The following CACNA2D3 variants were observed in gnomAD, a reference collection of about 807,000 sequenced individuals.
CACNA2D3 encodes calcium voltage-gated channel auxiliary subunit alpha2delta 3.
Under a neutral mutation model 160.6 loss-of-function variants are expected in CACNA2D3, and 60 were observed. That is an observed-to-expected ratio of 0.37 (90% CI 0.30 to 0.46). The LOEUF (loss-of-function observed/expected upper bound fraction) is 0.46. CACNA2D3 is among the 20% of genes least tolerant of loss of function. CACNA2D3 has a pLI of 1.00. For missense variants in CACNA2D3, 1,205 were observed against 1,365.0 expected (o/e 0.88, Z 1.85); for synonymous variants, 558 against 492.9 (o/e 1.13, Z -1.75).
At chr3:54,590,175 G>A (rs913723405) in intron 9 of CACNA2D3, among the ~76,000 whole-genome samples, 5 of 151,982 alleles carry the variant, frequency 3.3e-5, no homozygotes, top group Middle Eastern at 3.2e-3. Flanking sequence ...ATGACTGAAT[G>A]GTTAAACAAA....
At chr3:54,435,373 G>A (rs1326986716) in intron 4 of CACNA2D3, among the ~76,000 whole-genome samples, 4 of 152,256 alleles carry the variant, frequency 2.6e-5, no homozygotes, top group Admixed American at 6.5e-5. Context: ...CCTGAACTCA[G>A]CTCTAATGGG....
At chr3:54,643,573 T>C (rs985399474) in intron 11 of CACNA2D3, among the ~76,000 whole-genome samples, 23 of 152,102 alleles carry the variant, frequency 1.5e-4, no homozygotes, top group Admixed American at 5.2e-4. Context: ...AAACACTGAG[T>C]TCAGTCCAAC....
At chr3:54,309,374 T>G (rs895994338) in intron 2 of CACNA2D3, among the ~76,000 whole-genome samples, 3 of 152,266 alleles carry the variant, frequency 2.0e-5, no homozygotes, top group African/African-American at 7.2e-5. Context: ...CTACAATTTA[T>G]CAGAGGCATT....
At chr3:54,764,095 C>T in intron 12 of CACNA2D3, 123 bp from the exon 13 acceptor site, 4 of 1,044,644 alleles carry the variant, frequency 3.8e-6, no homozygotes, top group Non-Finnish European at 5.6e-6. Flanking sequence ...GGGAGAGGAG[C>T]TAACATTGAA....
intron 11 of CACNA2D3, among the ~76,000 whole-genome samples, chr3:54,743,685 T>C (rs1006183610): frequency 1.3e-5 from 2 of 152,244 alleles, no homozygotes; most frequent in African/African-American, 4.8e-5. Context: ...TGACTTTTTG[T>C]TCATGGTATT....
At chr3:54,740,800 A>G (rs1359106568) in intron 11 of CACNA2D3, among the ~76,000 whole-genome samples, 2 of 152,144 alleles carry the variant, frequency 1.3e-5, no homozygotes, top group African/African-American at 4.8e-5. Flanking sequence ...GAAAATAGAA[A>G]TGACAAGAAC....
intron 27 of CACNA2D3, among the ~76,000 whole-genome samples, chr3:54,965,054 A>G (rs1702118009): frequency 6.6e-6 from 1 of 152,188 alleles, no homozygotes; most frequent in South Asian, 2.1e-4. Flanking sequence ...AGATGTCAGA[A>G]TACTTTTTCT....
chr3:54,702,436 G>A (rs1700785079), intron 11 of CACNA2D3, among the ~76,000 whole-genome samples: 1 of 151,956 alleles, frequency 6.6e-6, no homozygotes, highest in Non-Finnish European at 1.5e-5. Context: ...ATGAACAGAG[G>A]ACATGAACAG....
intron 11 of CACNA2D3, among the ~76,000 whole-genome samples, chr3:54,662,211 G>A (rs183918195): frequency 1.4e-3 from 220 of 152,174 alleles, no homozygotes; most frequent in African/African-American, 5.1e-3. Flanking sequence ...ATGGATTGGC[G>A]AGGGTGCTGG....
At chr3:54,779,505 T>C (rs1358373274) in intron 13 of CACNA2D3, among the ~76,000 whole-genome samples, 4 of 152,184 alleles carry the variant, frequency 2.6e-5, no homozygotes, top group Middle Eastern at 3.2e-3. Flanking sequence ...CAGTTGTACT[T>C]GTAATGTGCT....
chr3:54,698,309 GT>G (rs1401791687), intron 11 of CACNA2D3, among the ~76,000 whole-genome samples: 2 of 152,188 alleles, frequency 1.3e-5, no homozygotes, highest in African/African-American at 4.8e-5. Context: ...CAGGGATGAT[GT>G]TGTTTATTTA....
intron 2 of CACNA2D3, among the ~76,000 whole-genome samples, chr3:54,291,097 A>G (rs988836986): frequency 6.6e-6 from 1 of 152,256 alleles, no homozygotes; most frequent in Non-Finnish European, 1.5e-5. Context: ...CACAGGATGG[A>G]TGGAAAACAT....
intron 10 of CACNA2D3, among the ~76,000 whole-genome samples, chr3:54,628,424 C>T (rs1210243882): frequency 6.6e-6 from 1 of 152,060 alleles, no homozygotes; most frequent in Non-Finnish European, 1.5e-5. Context: ...CAGCAGGAGC[C>T]AAATTGAGTA....
At chr3:54,814,441 C>T (rs569625328) in intron 13 of CACNA2D3, among the ~76,000 whole-genome samples, 1 of 152,306 alleles carries the variant, frequency 6.6e-6, no homozygotes, top group East Asian at 1.9e-4. Flanking sequence ...GGGCAGGGCC[C>T]TGCACGCAAG....
chr3:54,384,184 G>A (rs1314262591), intron 3 of CACNA2D3, among the ~76,000 whole-genome samples: 1 of 150,872 alleles, frequency 6.6e-6, no homozygotes, highest in Non-Finnish European at 1.5e-5. Flanking sequence ...TTTATCTTTT[G>A]ATCATTTAAA....
At chr3:54,486,925 T>C (rs1216960198) in intron 4 of CACNA2D3, among the ~76,000 whole-genome samples, 1 of 152,218 alleles carries the variant, frequency 6.6e-6, no homozygotes, top group Non-Finnish European at 1.5e-5. Context: ...TGCCTGTTTC[T>C]CTACCTGACA....
chr3:54,445,551 T>G (rs1272753224), intron 4 of CACNA2D3, among the ~76,000 whole-genome samples: 1 of 52,000 alleles, frequency 1.9e-5, no homozygotes, highest in African/African-American at 6.7e-5. Flanking sequence ...TTTATTTCTA[T>G]GTATACACAC....
chr3:54,711,761 T>C (rs1457299040), intron 11 of CACNA2D3, among the ~76,000 whole-genome samples: 1 of 152,228 alleles, frequency 6.6e-6, no homozygotes, highest in Non-Finnish European at 1.5e-5. Context: ...AGGTAGACAG[T>C]TGGCAGTACC....
At chr3:54,578,731 G>A (rs1702628437) in intron 8 of CACNA2D3, among the ~76,000 whole-genome samples, 1 of 152,238 alleles carries the variant, frequency 6.6e-6, no homozygotes, top group Non-Finnish European at 1.5e-5. Context: ...TTCCACTGAG[G>A]CCATAGCACA....
Sources: gnomAD v4.1 joint callset for allele counts (sites outside exome capture counted in the v4.1 genomes callset) on GRCh38, gnomAD v4.1.1 for gene constraint, MANE v1.5 for transcripts, NCBI Gene and HGNC (gene_info 2026-07-23, HGNC 2026-07-21) for gene names.